The following FOLH1 variants were observed in gnomAD, a reference collection of about 807,000 sequenced individuals.
The protein encoded by FOLH1 is folate hydrolase 1, also known as glutamate carboxypeptidase 2.
In FOLH1, 54 loss-of-function variants were observed where a neutral mutation model predicts 93.9. The observed-to-expected ratio is 0.57, with a 90% CI of 0.46 to 0.72. FOLH1 has a LOEUF of 0.72. FOLH1 is among the 30% of genes least tolerant of loss of function. FOLH1 has a pLI of 0.00. For missense variants in FOLH1, 571 were observed against 892.5 expected, an observed-to-expected ratio of 0.64 and a Z score of 4.59; for synonymous variants, 249 against 303.6, an observed-to-expected ratio of 0.82 and a Z score of 1.87.
chr11:49,190,584 T>G (rs1861923191), intron 4 of FOLH1, among the ~76,000 whole-genome samples: 2 of 152,198 alleles, frequency 1.3e-5, no homozygotes, highest in Admixed American at 1.3e-4. Context: ...ATATCACGCT[T>G]GTTACAAACA....
At chr11:49,148,094 G>T (rs1239321784) in intron 18 of FOLH1, among the ~76,000 whole-genome samples, 1 of 151,834 alleles carries the variant, frequency 6.6e-6, no homozygotes, top group Non-Finnish European at 1.5e-5. Flanking sequence ...ATCTCATTCT[G>T]CAATATTTAG....
chr11:49,176,589 T>C (rs1590568182), intron 7 of FOLH1, among the ~76,000 whole-genome samples: 1 of 152,246 alleles, frequency 6.6e-6, no homozygotes, highest in Non-Finnish European at 1.5e-5. Flanking sequence ...CACTTCAACA[T>C]ATCTGCCTTT....
intron 1 of FOLH1, chr11:49,207,956 A>ACAAAACAAAC (rs1864158607): frequency 1.8e-6 from 1 of 552,466 alleles, no homozygotes; most frequent in Admixed American, 2.3e-5. Flanking sequence ...AACAAACAAA[A>ACAAAACAAAC]CAAAACAAAA....
At position 49,145,814 on chromosome 11, in the gene FOLH1, A is replaced by T. The variant is rs1855754531; in HGVS notation, c.*942T>A. On this transcript the variant is annotated 3_prime_UTR_variant, in exon 19 of 19. Transcript: ENST00000256999. ...CTTCATATTAACTTTCCCTATTCAC[A>T]TTACTGTATGTTTTCTCTGTCTTGA... 6.6e-6 allele frequency among the ~76,000 whole-genome samples: 1 copy of T among 152,108 alleles called. No individual in the cohort carries two copies. Among genetic ancestry groups the T allele is most frequent in the African/African-American group, 2.4e-5 (1 of 41,410 alleles).
chr11:49,152,731 T>C (rs1856622612), intron 17 of FOLH1, among the ~76,000 whole-genome samples: 1 of 152,178 alleles, frequency 6.6e-6, no homozygotes, highest in South Asian at 2.1e-4. Context: ...TTCTTAATTT[T>C]TCTTGTGAAT....
chr11:49,195,233 T>C (rs1306702576), intron 3 of FOLH1, among the ~76,000 whole-genome samples: 2 of 152,188 alleles, frequency 1.3e-5, no homozygotes, highest in Non-Finnish European at 2.9e-5. Context: ...TCTCAATATA[T>C]TCAATTTAGA....
At chr11:49,169,302 T>A in intron 11 of FOLH1, 44 bp from the exon 12 acceptor site, 1 of 1,551,752 alleles carries the variant, frequency 6.4e-7, no homozygotes, top group Non-Finnish European at 8.9e-7. Flanking sequence ...TATAACCCAC[T>A]CCCCCTCCCC....
rs749825495 is a variant in FOLH1, at chr11:49,208,379, C to T, written c.31G>A (p.Ala11Thr). The T allele has an allele frequency of 6.2e-7, 1 of 1,603,740 alleles. No individual in the cohort carries two copies. Among genetic ancestry groups the T allele is most frequent in the East Asian group, 2.2e-5 (1 of 44,566 alleles). ...CGCGGGCGGCGCGCGGTGGCCACAG[C>T]CGAGTCGGTTTCGTGAAGGAGATTC... MWNLLHETDS[A>T]VATARRPRWL... Residue 11 changes from alanine to threonine, a missense_variant, in exon 1 of 19, where the codon GCT becomes ACT. By Grantham distance (58) the Ala-to-Thr change is moderately conservative (BLOSUM62 0). This residue lies in a region of FOLH1 where 71 missense variants were observed against 69.6 expected (regional missense o/e 1.02). Coordinates refer to ENST00000256999, the MANE Select transcript of FOLH1 (RefSeq NM_004476.3).
intron 13 of FOLH1, among the ~76,000 whole-genome samples, chr11:49,160,301 G>A (rs1857544202): frequency 6.6e-6 from 1 of 151,876 alleles, no homozygotes; most frequent in South Asian, 2.1e-4. Flanking sequence ...ATATTTTGAA[G>A]GGTTTTTCAT....
intron 13 of FOLH1, among the ~76,000 whole-genome samples, chr11:49,163,320 G>T: frequency 6.6e-6 from 1 of 152,098 alleles, no homozygotes; most frequent in East Asian, 1.9e-4. Context: ...CATTGATGAG[G>T]AACGTAGTTG....
chr11:49,181,667 T>C (rs1860753062), intron 7 of FOLH1, among the ~76,000 whole-genome samples: 1 of 152,162 alleles, frequency 6.6e-6, no homozygotes, highest in African/African-American at 2.4e-5. Context: ...ATCTTTTAAA[T>C]GTCATGAATA....
At chr11:49,154,086 G>A in intron 16 of FOLH1, 142 bp downstream of exon 16, 1 of 1,369,952 alleles carries the variant, frequency 7.3e-7, no homozygotes, top group Non-Finnish European at 9.9e-7. Context: ...CCATAAAATG[G>A]AAAATACATT....
At chr11:49,205,420 A>T (rs1329125755) in intron 2 of FOLH1, among the ~76,000 whole-genome samples, 8 of 152,210 alleles carry the variant, frequency 5.3e-5, no homozygotes, top group South Asian at 4.1e-4. Flanking sequence ...GACTTCATCC[A>T]TATCATAATA....
At chr11:49,192,170 A>G (rs1862128973) in intron 4 of FOLH1, among the ~76,000 whole-genome samples, 1 of 151,994 alleles carries the variant, frequency 6.6e-6, no homozygotes, top group Admixed American at 6.6e-5. Flanking sequence ...TTTAGCTTCA[A>G]TCTGATAATA....
Position 49,153,892 on chromosome 11 carries a change from T to C in FOLH1, c.1924A>G (p.Ile642Val), listed in dbSNP as rs1308184232. 2 of 1,606,572 alleles carry C rather than the reference T, an allele frequency of 1.2e-6. No homozygotes were observed. Among genetic ancestry groups the C allele is most frequent in the African/African-American group, 1.3e-5 (1 of 74,480 alleles). Reference protein sequence around the residue: ...LFSAVKNFTEIASKFSERLQD... With the variant: ...LFSAVKNFTEVASKFSERLQD... ...AGTCTCTCACTGAACTTGGAAGCAATTTCTGTAAAATTCTTTACTGCAGAA... is the reference window on the plus strand; with the variant it reads ...AGTCTCTCACTGAACTTGGAAGCAACTTCTGTAAAATTCTTTACTGCAGAA... Residue 642 changes from isoleucine (I) to valine (V), a missense_variant, in exon 17 of 19, where the codon ATT (isoleucine) becomes GTT (valine). Ile to Val is a conservative substitution (Grantham distance 29). Around this residue, in one of 2 missense-constraint regions of FOLH1, gnomAD observed 500 missense variants for 822.9 expected, o/e 0.61. Coordinates refer to ENST00000256999, the MANE Select transcript of FOLH1 (RefSeq NM_004476.3).
chr11:49,174,604 T>C (rs983794336), intron 9 of FOLH1, among the ~76,000 whole-genome samples: 1 of 152,178 alleles, frequency 6.6e-6, no homozygotes, highest in African/African-American at 2.4e-5. Flanking sequence ...AAAACACATC[T>C]TTCCCTACCC....
In FOLH1 at chr11:49,169,206, G is replaced by GTC; in HGVS notation, c.1360_1361insGA (p.Ser454Ter). 2 of 1,613,056 alleles carry GTC rather than the reference G, an allele frequency of 1.2e-6. No homozygotes were observed. The highest frequency in any genetic ancestry group is 1.7e-6 in the Non-Finnish European group (2 of 1,179,266). ...CCAACGATATTCACCTTCTATAGAT[G>GTC]AGTCAGCATTAATATAAGCCACGCC... ...ERGVAYINADSSIEGNYTLRV... is the reference protein window; with the variant it reads ...ERGVAYINAD Residue 454 changes from serine to a stop codon, truncating the protein, a stop_gained and frameshift_variant, in exon 12 of 19, where the codon TCA becomes TGACA. Transcript: ENST00000256999. LOFTEE classifies it high-confidence loss of function.
chr11:49,185,476 C>T, intron 6 of FOLH1, 193 bp downstream of exon 6: 1 of 671,984 alleles, frequency 1.5e-6, no homozygotes, highest in South Asian at 2.2e-5. Context: ...ATTTGAAAGC[C>T]CACCAGGCCC....
At chr11:49,181,634 C>T (rs760506664) in intron 7 of FOLH1, among the ~76,000 whole-genome samples, 19 of 152,034 alleles carry the variant, frequency 1.2e-4, no homozygotes, top group Non-Finnish European at 2.4e-4. Context: ...TCCACTATTA[C>T]AAGTAATGCT....
Sources: allele counts gnomAD v4.1 joint callset (sites outside exome capture counted in the v4.1 genomes callset), GRCh38; gene constraint gnomAD v4.1.1; regional missense constraint gnomAD v4.1.1; transcripts MANE v1.5; gene names NCBI Gene and HGNC (gene_info 2026-07-23, HGNC 2026-07-21).